NAALADL2: variants seen among roughly 807,000 people sequenced by gnomAD.
NAALADL2 encodes the protein N-acetylated alpha-linked acidic dipeptidase like 2.
Under a neutral mutation model 87.2 loss-of-function variants are expected in NAALADL2, and 76 were observed. That is an observed-to-expected ratio of 0.87 (90% CI 0.72 to 1.05). The LOEUF (loss-of-function observed/expected upper bound fraction) is 1.05. Ranked by LOEUF, NAALADL2 falls within the 50% of genes least tolerant of loss-of-function variation. The pLI is 0.00. For missense variants in NAALADL2, 1,089 were observed against 945.8 expected, an observed-to-expected ratio of 1.15 and a Z score of -1.99; for synonymous variants, 354 against 331.0, an observed-to-expected ratio of 1.07 and a Z score of -0.75.
chr3:174,977,593 A>C (rs1744532781), intron 1 of NAALADL2, among the ~76,000 whole-genome samples: 1 of 152,178 alleles, frequency 6.6e-6, no homozygotes, highest in Non-Finnish European at 1.5e-5. Context: ...GTCTTCTTTT[A>C]AGATGATGTC....
At chr3:174,498,700 T>A (rs945955182) in intron 1 of NAALADL2, among the ~76,000 whole-genome samples, 1 of 151,824 alleles carries the variant, frequency 6.6e-6, no homozygotes, top group Non-Finnish European at 1.5e-5. Flanking sequence ...TGCATTTACA[T>A]CCCGGTCTGC....
chr3:175,565,828 C>CT (rs796271399), intron 9 of NAALADL2, among the ~76,000 whole-genome samples: 38 of 119,600 alleles, frequency 3.2e-4, no homozygotes, highest in African/African-American at 1.1e-3. Context: ...AAGCCCCCCC[C>CT]CTTTTTTTTT....
chr3:175,226,909 A>G (rs1357168027), intron 2 of NAALADL2, among the ~76,000 whole-genome samples: 1 of 152,080 alleles, frequency 6.6e-6, no homozygotes, highest in Non-Finnish European at 1.5e-5. Flanking sequence ...CATCCTATGT[A>G]ATCTTTAAAT....
chr3:174,968,236 C>T (rs1743137376), intron 1 of NAALADL2, among the ~76,000 whole-genome samples: 1 of 152,094 alleles, frequency 6.6e-6, no homozygotes, highest in Non-Finnish European at 1.5e-5. Flanking sequence ...ATTCCTTTTG[C>T]TACCAGTATA....
At chr3:175,217,327 CAGTCCTTGCA>C (rs1270250326) in intron 2 of NAALADL2, among the ~76,000 whole-genome samples, 1 of 152,150 alleles carries the variant, frequency 6.6e-6, no homozygotes, top group African/African-American at 2.4e-5. Flanking sequence ...TTCCAGTTTG[CAGTCCTTGCA>C]GAAGCTTTGT....
chr3:174,692,641 A>T (rs1728681288), intron 2 of NAALADL2, among the ~76,000 whole-genome samples: 1 of 152,140 alleles, frequency 6.6e-6, no homozygotes, highest in Non-Finnish European at 1.5e-5. Flanking sequence ...CCACCAAAAA[A>T]GAATGTTCGG....
intron 3 of NAALADL2, among the ~76,000 whole-genome samples, chr3:174,842,034 G>T (rs1346700626): frequency 1.4e-5 from 2 of 147,646 alleles, no homozygotes; most frequent in African/African-American, 2.5e-5. Context: ...CCATGATCGT[G>T]TTAAATGTAC....
chr3:175,372,037 TAAAA>T (rs925155809), intron 5 of NAALADL2, among the ~76,000 whole-genome samples: 1 of 152,090 alleles, frequency 6.6e-6, no homozygotes, highest in East Asian at 1.9e-4. Flanking sequence ...ATAATTACTC[TAAAA>T]AAAGTCCAGC....
At chr3:174,831,305 T>G (rs965277411) in intron 3 of NAALADL2, among the ~76,000 whole-genome samples, 1 of 148,042 alleles carries the variant, frequency 6.8e-6, no homozygotes, top group African/African-American at 2.6e-5. Context: ...TTATTGAGAG[T>G]TTTTAGCATG....
intron 1 of NAALADL2, among the ~76,000 whole-genome samples, chr3:174,870,701 G>A (rs1268785505): frequency 6.6e-6 from 1 of 151,994 alleles, no homozygotes; most frequent in African/African-American, 2.4e-5. Context: ...TATTTTGCAG[G>A]TGTCCACTTT....
chr3:175,032,185 C>G (rs1033050465), intron 1 of NAALADL2, among the ~76,000 whole-genome samples: 4 of 151,784 alleles, frequency 2.6e-5, no homozygotes, highest in African/African-American at 7.3e-5. Flanking sequence ...CAAATCATTT[C>G]CCAGGGCTGA....
chr3:175,005,739 AT>A (rs1306933596), intron 1 of NAALADL2, among the ~76,000 whole-genome samples: 1 of 152,172 alleles, frequency 6.6e-6, no homozygotes, highest in African/African-American at 2.4e-5. Context: ...TTTGGAAAAT[AT>A]TTTTTAAAAA....
At chr3:175,563,324 C>T (rs1716582765) in intron 9 of NAALADL2, among the ~76,000 whole-genome samples, 2 of 152,160 alleles carry the variant, frequency 1.3e-5, no homozygotes, top group African/African-American at 4.8e-5. Flanking sequence ...TCTGTACACA[C>T]TTACTGACTT....
intron 2 of NAALADL2, among the ~76,000 whole-genome samples, chr3:175,226,907 G>A (rs1001315867): frequency 2.0e-5 from 3 of 151,932 alleles, no homozygotes; most frequent in African/African-American, 7.2e-5. Flanking sequence ...TTCATCCTAT[G>A]TAATCTTTAA....
At chr3:175,368,253 G>T (rs1454191023) in intron 5 of NAALADL2, among the ~76,000 whole-genome samples, 6 of 152,088 alleles carry the variant, frequency 3.9e-5, no homozygotes, top group East Asian at 3.9e-4. Context: ...CTGGATTCGG[G>T]TTGCCAGTAT....
At chr3:175,183,348 C>T (rs564366411) in intron 2 of NAALADL2, among the ~76,000 whole-genome samples, 206 of 151,930 alleles carry the variant, frequency 1.4e-3, no homozygotes, top group Non-Finnish European at 2.4e-3. Flanking sequence ...TGCCTAATTG[C>T]TCTGACAAGG....
chr3:174,712,092 A>G (rs1258335048), intron 2 of NAALADL2, among the ~76,000 whole-genome samples: 4 of 151,946 alleles, frequency 2.6e-5, no homozygotes, highest in African/African-American at 9.7e-5. Context: ...CTGGCCTAAC[A>G]TATGAATTTC....
chr3:175,328,851 A>G (rs1761067231), intron 5 of NAALADL2, among the ~76,000 whole-genome samples: 1 of 152,240 alleles, frequency 6.6e-6, no homozygotes, highest in Admixed American at 6.5e-5. Context: ...TGAGGTAAGC[A>G]TAAAAAATAA....
At chr3:175,193,126 A>T (rs2109071496) in intron 2 of NAALADL2, among the ~76,000 whole-genome samples, 1 of 152,072 alleles carries the variant, frequency 6.6e-6, no homozygotes, top group East Asian at 1.9e-4. Context: ...AATGTCAGGG[A>T]TACTTATTTA....
Sources: gnomAD v4.1 joint callset for allele counts (sites outside exome capture counted in the v4.1 genomes callset) on GRCh38, gnomAD v4.1.1 for gene constraint, MANE v1.5 for transcripts, NCBI Gene and HGNC (gene_info 2026-07-23, HGNC 2026-07-21) for gene names.